VPS8: variants seen among roughly 807,000 people sequenced by gnomAD.
VPS8 encodes the protein VPS8 subunit of CORVET complex.
A neutral mutation model predicts 216.4 loss-of-function variants in VPS8; 129 were observed. The observed-to-expected ratio is 0.60, with a 90% CI of 0.52 to 0.69. The LOEUF is 0.69. Among genes scored for constraint, VPS8 ranks in the 30% least tolerant of loss-of-function variants. The pLI, the probability that VPS8 is intolerant of heterozygous loss-of-function variation, is 0.00. For synonymous variants in VPS8, 571 were observed against 565.4 expected (o/e 1.01, Z -0.14); for missense variants, 1,531 against 1,683.5 (o/e 0.91, Z 1.59).
intron 45 of VPS8, 23 bp from the exon 46 acceptor site, chr3:185,024,313 A>C: frequency 6.4e-7 from 1 of 1,570,196 alleles, no homozygotes; most frequent in Non-Finnish European, 8.7e-7. Flanking sequence ...AAGGGTATTA[A>C]AATGTTTGCC....
chr3:184,972,379 C>G (rs1305922135), intron 40 of VPS8, among the ~76,000 whole-genome samples: 1 of 152,176 alleles, frequency 6.6e-6, no homozygotes, highest in Non-Finnish European at 1.5e-5. Context: ...CATCATTTAT[C>G]ATCGTCTCTA....
At chr3:184,824,294 A>G in intron 1 of VPS8, 1 of 216,510 alleles carries the variant, frequency 4.6e-6, no homozygotes, top group South Asian at 9.5e-5. Flanking sequence ...CACTATCACC[A>G]GTTTCATGAC....
Position 184,926,211 on chromosome 3 carries a change from T to TA in VPS8, c.2575-376dup, listed in dbSNP as rs1337585700. Among the ~76,000 whole-genome samples the TA allele has an allele frequency of 6.0e-5, 9 of 151,054 alleles. No homozygotes were observed. In the South Asian group the frequency reaches 6.3e-4, roughly 11 times the overall value. Reference sequence around the variant, plus strand: ...TAACACAGTGGAACCCCGTCTCTACTAAAAAAATACAAAAAATGAGCCGGG... The same window carrying TA: ...TAACACAGTGGAACCCCGTCTCTACTAAAAAAAATACAAAAAATGAGCCGGG... On this transcript the variant is annotated intron_variant, in intron 30 of 47. Coordinates refer to ENST00000625842, the MANE Select transcript of VPS8 (RefSeq NM_001009921.3).
Position 185,052,151 on chromosome 3 carries a change from C to CACAGAAGCCCAAT in VPS8, c.*126_*127insACAGAAGCCCAAT. 2.7e-6 allele frequency: 3 copies of CACAGAAGCCCAAT among 1,124,420 alleles called. No homozygotes were observed. The highest frequency in any genetic ancestry group is 3.7e-6 in the Non-Finnish European group (3 of 820,334). 69.7% of individuals were successfully genotyped at this position (1,124,420 alleles called of 1,614,324 possible). On this transcript the variant is annotated 3_prime_UTR_variant, in exon 48 of 48. Transcript: ENST00000625842. ...TTCTGAGAAGAGGTTCCAAATTGGG[C>CACAGAAGCCCAAT]TTCTGTGCCCAGAGCGTCCACAGCA...
intron 36 of VPS8, 117 bp from the exon 37 acceptor site, chr3:184,957,257 C>T: frequency 2.9e-6 from 3 of 1,049,256 alleles, no homozygotes; most frequent in Non-Finnish European, 4.1e-6. Context: ...ATATTTTTAT[C>T]TGACCAGCAG....
intron 40 of VPS8, among the ~76,000 whole-genome samples, chr3:184,973,796 A>G (rs77825045): frequency 0.011 from 1,656 of 152,036 alleles, 31 homozygotes; most frequent in African/African-American, 0.037. Flanking sequence ...AACATGCGAT[A>G]TTTGTCTTTC....
intron 42 of VPS8, among the ~76,000 whole-genome samples, chr3:184,990,747 G>T (rs1304137412): frequency 6.6e-6 from 1 of 152,132 alleles, no homozygotes; most frequent in Admixed American, 6.5e-5. Context: ...CCACCTCACT[G>T]TATCAGATCC....
At chr3:184,940,860 G>A (rs922003220) in intron 36 of VPS8, among the ~76,000 whole-genome samples, 8 of 152,176 alleles carry the variant, frequency 5.3e-5, no homozygotes, top group Non-Finnish European at 1.2e-4. Context: ...ACTACATAGA[G>A]TACATTGGGA....
intron 19 of VPS8, 31 bp downstream of exon 19, chr3:184,869,067 G>A (rs545458740): frequency 9.5e-6 from 15 of 1,574,544 alleles, no homozygotes; most frequent in East Asian, 2.3e-5. Context: ...TGTAGTAGAC[G>A]TGGTTCTCCT....
At chr3:185,003,726 G>T (rs1455248860) in intron 45 of VPS8, among the ~76,000 whole-genome samples, 2 of 151,038 alleles carry the variant, frequency 1.3e-5, no homozygotes, top group Admixed American at 6.6e-5. Context: ...CCCAGACGGG[G>T]TGGCTGCTGG....
intron 28 of VPS8, among the ~76,000 whole-genome samples, chr3:184,918,706 C>T (rs1291680902): frequency 6.6e-6 from 1 of 152,128 alleles, no homozygotes; most frequent in Non-Finnish European, 1.5e-5. Flanking sequence ...TGTGTTAATT[C>T]TCCATGGTTT....
intron 35 of VPS8, among the ~76,000 whole-genome samples, chr3:184,937,082 C>T (rs1030020395): frequency 6.6e-6 from 1 of 152,188 alleles, no homozygotes; most frequent in African/African-American, 2.4e-5. Context: ...AAAACTTTGT[C>T]ATCCTGAAAT....
Position 184,940,217 on chromosome 3 carries a change from AT to A in VPS8, c.3014del (p.Leu1005Ter). ...TTCAGAACCAGGTTTTGCTTTTCAA[AT>A]TTTTGAGGAGTCTTCTTGACCCAAG... ...KLQNQVLLFK[F>X]LRSLLDPREG... On this transcript the variant is annotated frameshift_variant, in exon 36 of 48. Coordinates refer to ENST00000625842, the MANE Select transcript of VPS8 (RefSeq NM_001009921.3). LOFTEE classifies it high-confidence loss of function. 1 of 1,489,660 alleles carries A rather than the reference AT, an allele frequency of 6.7e-7. No homozygotes were observed. The highest frequency in any genetic ancestry group is 9.0e-7 in the Non-Finnish European group (1 of 1,112,052). 92.3% of individuals were successfully genotyped at this position (1,489,660 alleles called of 1,614,324 possible). A position where few individuals can be genotyped will look rare whatever the true frequency, so the allele number is the denominator to read the frequency against.
chr3:184,906,573 A>G (rs1735537067), intron 25 of VPS8, among the ~76,000 whole-genome samples: 1 of 152,234 alleles, frequency 6.6e-6, no homozygotes, highest in African/African-American at 2.4e-5. Context: ...GACTATGATT[A>G]CTCAAAAACC....
chr3:184,914,604 C>G (rs1737181664), intron 26 of VPS8, among the ~76,000 whole-genome samples: 2 of 152,168 alleles, frequency 1.3e-5, no homozygotes, highest in African/African-American at 4.8e-5. Flanking sequence ...CTGAGAACGC[C>G]AGGCTTTTAA....
chr3:184,945,061 A>G (rs1388864189), intron 36 of VPS8, among the ~76,000 whole-genome samples: 1 of 152,052 alleles, frequency 6.6e-6, no homozygotes, highest in African/African-American at 2.4e-5. Context: ...TAGATCTTAT[A>G]TCTTTGGTTA....
intron 25 of VPS8, among the ~76,000 whole-genome samples, chr3:184,912,392 G>A (rs796141270): frequency 2.6e-4 from 40 of 152,314 alleles, no homozygotes; most frequent in African/African-American, 8.9e-4. Context: ...TTGTCAGGGT[G>A]AGGGAGGCCA....
intron 34 of VPS8, 75 bp downstream of exon 34, chr3:184,930,643 C>A: frequency 9.6e-7 from 1 of 1,037,844 alleles, no homozygotes; most frequent in Non-Finnish European, 1.5e-6. Flanking sequence ...GCCAACGAAG[C>A]AATGGCATGT....
intron 3 of VPS8, among the ~76,000 whole-genome samples, chr3:184,828,261 T>C (rs1719234313): frequency 6.6e-6 from 1 of 152,102 alleles, no homozygotes; most frequent in South Asian, 2.1e-4. Flanking sequence ...TGCCTCAGCC[T>C]CCTGAGTAGC....
Sources: gnomAD v4.1 joint callset for allele counts (sites outside exome capture counted in the v4.1 genomes callset) on GRCh38, gnomAD v4.1.1 for gene constraint, MANE v1.5 for transcripts, NCBI Gene and HGNC (gene_info 2026-07-23, HGNC 2026-07-21) for gene names.